CEP83: variants seen among roughly 807,000 people sequenced by gnomAD.
CEP83 encodes centrosomal protein 83.
Under a neutral mutation model 101.9 loss-of-function variants are expected in CEP83, and 70 were observed. The ratio of observed to expected loss-of-function variants is 0.69; its 90% confidence interval spans 0.57 to 0.84. CEP83 has a LOEUF of 0.84. Among genes scored for constraint, CEP83 ranks in the 40% least tolerant of loss-of-function variants. The pLI is 0.00. For synonymous variants in CEP83, 264 were observed against 267.9 expected, an observed-to-expected ratio of 0.99 and a Z score of 0.14; for missense variants, 715 against 787.2, an observed-to-expected ratio of 0.91 and a Z score of 1.10.
At chr12:94,398,351 G>A (rs989238012) in intron 6 of CEP83, among the ~76,000 whole-genome samples, 3 of 152,188 alleles carry the variant, frequency 2.0e-5, no homozygotes, top group African/African-American at 7.2e-5. Context: ...AATTCATGTT[G>A]TGGGAAGTCA....
In CEP83 at chr12:94,408,747, C is replaced by T. The variant is rs189960732; in HGVS notation, c.324+2950G>A. 2.1e-3 allele frequency among the ~76,000 whole-genome samples: 327 copies of T among 152,140 alleles called. 1 individual carries two copies. The highest frequency in any genetic ancestry group is 7.4e-3 in the African/African-American group (307 of 41,504). ...GGTGCATGCCACTATGTCAGGCTAA[C>T]TTATTTTACTTTACTTTTTAGAGAC... On this transcript the variant is annotated intron_variant, in intron 4 of 16. Transcript: ENST00000397809.
Position 94,375,966 on chromosome 12 carries a change from G to C in CEP83, c.853C>G (p.Gln285Glu). 1 of 1,568,518 alleles carries C rather than the reference G, an allele frequency of 6.4e-7. No homozygotes were observed. ...AAGGTATTTTGTTCACTGCTTGATT[G>C]TAGCTCTTTTTCCAAACGTTCTGCC... ...LRAERLEKEL[Q>E]SSSEQNTFLI... is the part of the protein sequence containing the mutation. Residue 285 changes from glutamine to glutamate, a missense_variant, in exon 8 of 17, where the codon CAA (glutamine) becomes GAA (glutamate). Coordinates refer to ENST00000397809, the MANE Select transcript of CEP83 (RefSeq NM_016122.3).
At chr12:94,417,282 C>G (rs1034500470) in intron 2 of CEP83, among the ~76,000 whole-genome samples, 1 of 151,638 alleles carries the variant, frequency 6.6e-6, no homozygotes, top group Non-Finnish European at 1.5e-5. Flanking sequence ...TGCCACCACA[C>G]TCTAGCCCAG....
chr12:94,443,393 A>G (rs1057496885), intron 1 of CEP83, among the ~76,000 whole-genome samples: 2 of 152,020 alleles, frequency 1.3e-5, no homozygotes, highest in African/African-American at 2.4e-5. Context: ...CTATTTTCGG[A>G]GTTTTAGTTG....
chr12:94,282,178 C>T, the CEP83 span: 80 of 696,058 alleles, frequency 1.1e-4, no homozygotes, highest in Middle Eastern at 2.7e-4. Context: ...GCTGATGCAT[C>T]TCTACACCTT....
intron 6 of CEP83, among the ~76,000 whole-genome samples, chr12:94,387,648 C>A (rs924507340): frequency 6.6e-6 from 1 of 152,152 alleles, no homozygotes; most frequent in Non-Finnish European, 1.5e-5. Flanking sequence ...AAACAGACAA[C>A]CCACAGAATG....
At chr12:94,458,489 A>G (rs1213675876) in intron 1 of CEP83, among the ~76,000 whole-genome samples, 1 of 152,200 alleles carries the variant, frequency 6.6e-6, no homozygotes, top group Non-Finnish European at 1.5e-5. Context: ...CTGTAATCCC[A>G]GCACTTTGGG....
chr12:94,293,931 TCTTATAAGGGCACTA>T, the CEP83 span, among the ~76,000 whole-genome samples: 1 of 152,030 alleles, frequency 6.6e-6, no homozygotes, highest in Non-Finnish European at 1.5e-5. Flanking sequence ...TGGTGTCTCT[TCTTATAAGGGCACTA>T]TTCCCATCAT....
intron 14 of CEP83, among the ~76,000 whole-genome samples, chr12:94,329,021 A>C (rs2059094121): frequency 6.6e-6 from 1 of 152,152 alleles, no homozygotes; most frequent in Admixed American, 6.5e-5. Flanking sequence ...ATTGATGTAA[A>C]CTTGTAAGCT....
chr12:94,423,613 T>G, intron 2 of CEP83: 1 of 1,543,884 alleles, frequency 6.5e-7, no homozygotes, highest in East Asian at 2.4e-5. Flanking sequence ...TGAAAAACGA[T>G]GGCTAAGTGT....
the CEP83 span, chr12:94,298,913 T>A: frequency 1.0e-6 from 1 of 979,670 alleles, no homozygotes; most frequent in Non-Finnish European, 1.5e-6. Context: ...ATCTTTGGGC[T>A]TGGTAAGCTA....
In CEP83 at chr12:94,419,911, T is replaced by G. The variant is rs141458750; in HGVS notation, c.-101-7320A>C. ...AGTTGCCACAATATAGGAAAAAATA[T>G]TCAGTAACTCAAGGCAGGAAAAATA... On this transcript the variant is annotated intron_variant, in intron 2 of 16. Coordinates refer to ENST00000397809, the MANE Select transcript of CEP83 (RefSeq NM_016122.3). Among the ~76,000 whole-genome samples, 401 of 152,228 alleles carry G rather than the reference T, an allele frequency of 2.6e-3. 2 individuals carry two copies. The highest frequency in any genetic ancestry group is 9.4e-3 in the African/African-American group (389 of 41,558).
chr12:94,266,841 T>C, the CEP83 span, among the ~76,000 whole-genome samples: 1 of 152,240 alleles, frequency 6.6e-6, no homozygotes, highest in Non-Finnish European at 1.5e-5. Context: ...CTTTATTCCA[T>C]TTGATCCAGA....
chr12:94,284,280 C>G, the CEP83 span, among the ~76,000 whole-genome samples: 6 of 152,174 alleles, frequency 3.9e-5, no homozygotes, highest in African/African-American at 1.4e-4. Context: ...AATCTAGTCC[C>G]CAGGCAAGAA....
chr12:94,319,342 A>G (rs904938208), intron 14 of CEP83, among the ~76,000 whole-genome samples: 1 of 152,046 alleles, frequency 6.6e-6, no homozygotes, highest in African/African-American at 2.4e-5. Context: ...TTTTTCAAAA[A>G]CGCAACTCCC....
intron 1 of CEP83, among the ~76,000 whole-genome samples, chr12:94,440,665 T>A (rs1379074738): frequency 6.6e-6 from 1 of 151,486 alleles, no homozygotes; most frequent in East Asian, 1.9e-4. Context: ...CCACCATCGT[T>A]CTTCACAGAT....
At chr12:94,424,775 G>A (rs1199797408) in intron 2 of CEP83, 1 of 1,611,144 alleles carries the variant, frequency 6.2e-7, no homozygotes, top group Non-Finnish European at 8.5e-7. Context: ...AGTAGTGCCT[G>A]GTTGCAATCC....
At chr12:94,268,795 G>T in the CEP83 span, among the ~76,000 whole-genome samples, 1 of 151,794 alleles carries the variant, frequency 6.6e-6, no homozygotes, top group Non-Finnish European at 1.5e-5. Context: ...GGTTTTCGCC[G>T]TGTTGGCTAG....
chr12:94,388,611 T>G lies in CEP83; in HGVS notation c.550-9569A>C, dbSNP rs1011313936. Among the ~76,000 whole-genome samples, 3 of 152,122 alleles carry G rather than the reference T, an allele frequency of 2.0e-5. No individual in the cohort carries two copies. In the East Asian group the frequency reaches 5.8e-4, roughly 29 times the overall value. ...TAAAATAAAACTTGAAATTATTTTT[T>G]AAAAAAAGAAAAGTTAAGTAGAATA... On this transcript the variant is annotated intron_variant, in intron 6 of 16. Transcript: ENST00000397809.
Sources: gnomAD v4.1 joint callset for allele counts (sites outside exome capture counted in the v4.1 genomes callset) on GRCh38, gnomAD v4.1.1 for gene constraint, MANE v1.5 for transcripts, NCBI Gene and HGNC (gene_info 2026-07-23, HGNC 2026-07-21) for gene names.